GALNTL6: variants seen among roughly 807,000 people sequenced by gnomAD.
GALNTL6 encodes polypeptide N-acetylgalactosaminyltransferase like 6.
Under a neutral mutation model 73.7 loss-of-function variants are expected in GALNTL6, and 46 were observed. The ratio of observed to expected loss-of-function variants is 0.62; its 90% CI spans 0.49 to 0.80. The LOEUF is 0.80. Ranked by LOEUF, GALNTL6 falls within the 30% of genes least tolerant of loss-of-function variation. The pLI, the probability that GALNTL6 is intolerant of heterozygous loss-of-function variation, is 0.00. For synonymous variants in GALNTL6, 259 were observed against 263.7 expected (o/e 0.98, Z 0.17); for missense variants, 604 against 755.0 (o/e 0.80, Z 2.34).
chr4:171,968,241 G>A (rs1365802797), intron 2 of GALNTL6, among the ~76,000 whole-genome samples: 3 of 151,998 alleles, frequency 2.0e-5, no homozygotes, highest in African/African-American at 4.8e-5. Context: ...ATCACACACT[G>A]GGTGACTTCA....
At chr4:172,918,388 T>A (rs1028480909) in intron 8 of GALNTL6, among the ~76,000 whole-genome samples, 11 of 151,506 alleles carry the variant, frequency 7.3e-5, no homozygotes, top group African/African-American at 2.2e-4. Context: ...AAGTATAATT[T>A]AAAAAAAATA....
chr4:172,556,223 C>T (rs1303494049), intron 5 of GALNTL6, among the ~76,000 whole-genome samples: 1 of 151,894 alleles, frequency 6.6e-6, no homozygotes, highest in African/African-American at 2.4e-5. Context: ...ATCTTTAGAA[C>T]ATCTTTAAAC....
intron 10 of GALNTL6, among the ~76,000 whole-genome samples, chr4:172,956,452 A>G (rs1357282135): frequency 6.6e-6 from 1 of 152,220 alleles, no homozygotes; most frequent in East Asian, 1.9e-4. Flanking sequence ...CCCTGCCAGC[A>G]AAGATTATTT....
In GALNTL6 at chr4:173,005,131, C is replaced by G. The variant is rs4696041; in HGVS notation, c.1372-4047C>G. On this transcript the variant is annotated intron_variant, in intron 10 of 12. Transcript: ENST00000506823. ...CCGGTATTAAGCTAAGCCTGACTTC[C>G]CTTGCAGACCTAAAGAACTCCTTTA... Among the ~76,000 whole-genome samples the G allele has an allele frequency of 3.9e-4, 60 of 152,218 alleles. 3 individuals carry two copies. In the South Asian group the frequency reaches 0.012, roughly 30 times the overall value.
intron 5 of GALNTL6, among the ~76,000 whole-genome samples, chr4:172,465,772 G>A (rs1732790062): frequency 6.6e-6 from 1 of 152,146 alleles, no homozygotes; most frequent in Non-Finnish European, 1.5e-5. Context: ...CAAGTAGTCT[G>A]TCAAACAACC....
chr4:172,920,931 G>A (rs994246388), intron 8 of GALNTL6, among the ~76,000 whole-genome samples: 16 of 152,228 alleles, frequency 1.1e-4, no homozygotes, highest in African/African-American at 3.9e-4. Context: ...TATCTACTGA[G>A]TTAGAAGGTG....
chr4:172,802,522 G>A (rs532634191), intron 5 of GALNTL6, among the ~76,000 whole-genome samples: 35 of 152,228 alleles, frequency 2.3e-4, no homozygotes, highest in Admixed American at 1.9e-3. Flanking sequence ...GGGGCCGGGC[G>A]CAGTGGCTCA....
At chr4:172,271,761 G>A (rs1738662194) in intron 3 of GALNTL6, among the ~76,000 whole-genome samples, 1 of 151,588 alleles carries the variant, frequency 6.6e-6, no homozygotes, top group Non-Finnish European at 1.5e-5. Context: ...AACATATATA[G>A]CCATACACAC....
chr4:172,249,251 G>A (rs911556385), intron 3 of GALNTL6, among the ~76,000 whole-genome samples: 2 of 152,204 alleles, frequency 1.3e-5, no homozygotes. Flanking sequence ...GCTATGCAAA[G>A]ATACTGGCAG....
At chr4:172,756,772 C>T (rs1414271912) in intron 5 of GALNTL6, among the ~76,000 whole-genome samples, 1 of 152,062 alleles carries the variant, frequency 6.6e-6, no homozygotes, top group Admixed American at 6.6e-5. Flanking sequence ...TGTTGTATAC[C>T]TCCTCTAGGA....
At chr4:171,842,112 T>C (rs140362744) in intron 2 of GALNTL6, among the ~76,000 whole-genome samples, 5 of 152,280 alleles carry the variant, frequency 3.3e-5, no homozygotes, top group African/African-American at 9.6e-5. Context: ...CTTTCGGTTT[T>C]GTCATTATGA....
At chr4:172,780,791 G>T (rs1331099561) in intron 5 of GALNTL6, among the ~76,000 whole-genome samples, 1 of 152,188 alleles carries the variant, frequency 6.6e-6, no homozygotes, top group Non-Finnish European at 1.5e-5. Context: ...AAATCCCTCT[G>T]TGTTTGAAAG....
chr4:172,790,558 T>C (rs1739934608), intron 5 of GALNTL6, among the ~76,000 whole-genome samples: 1 of 152,146 alleles, frequency 6.6e-6, no homozygotes, highest in Admixed American at 6.5e-5. Flanking sequence ...GAAATAAATG[T>C]CTGTTAAGCA....
intron 5 of GALNTL6, among the ~76,000 whole-genome samples, chr4:172,612,230 T>G (rs536505113): frequency 2.6e-5 from 4 of 152,208 alleles, no homozygotes; most frequent in Admixed American, 6.6e-5. Flanking sequence ...GGCTTCAGTT[T>G]CTTGACCAGT....
At chr4:172,313,345 G>T (rs1227116669) in intron 4 of GALNTL6, among the ~76,000 whole-genome samples, 2 of 151,844 alleles carry the variant, frequency 1.3e-5, no homozygotes, top group African/African-American at 4.8e-5. Flanking sequence ...GGATAGTCTC[G>T]ATCTCCTGAC....
intron 2 of GALNTL6, among the ~76,000 whole-genome samples, chr4:172,206,803 C>CTTT (rs1560969288): frequency 3.7e-4 from 5 of 13,440 alleles, no homozygotes; most frequent in African/African-American, 4.7e-4. Context: ...TTTTGTTTTT[C>CTTT]TGTTTTTTTT....
intron 2 of GALNTL6, among the ~76,000 whole-genome samples, chr4:171,836,838 A>C (rs959926394): frequency 1.2e-4 from 18 of 152,154 alleles, no homozygotes; most frequent in Non-Finnish European, 2.5e-4. Flanking sequence ...AAGGAAAAGG[A>C]AGCTAAGTTT....
chr4:172,083,130 G>A (rs1015555919), intron 2 of GALNTL6, among the ~76,000 whole-genome samples: 5 of 151,966 alleles, frequency 3.3e-5, no homozygotes, highest in African/African-American at 9.7e-5. Flanking sequence ...AAATCCTGTT[G>A]GTTCTGTCTT....
intron 5 of GALNTL6, among the ~76,000 whole-genome samples, chr4:172,460,097 C>A (rs1006147077): frequency 6.6e-6 from 1 of 152,160 alleles, no homozygotes; most frequent in Non-Finnish European, 1.5e-5. Flanking sequence ...TTTGACAAAC[C>A]TGACAAAAAC....
Sources: gnomAD v4.1 joint callset for allele counts (sites outside exome capture counted in the v4.1 genomes callset) on GRCh38, gnomAD v4.1.1 for gene constraint, MANE v1.5 for transcripts, NCBI Gene and HGNC (gene_info 2026-07-23, HGNC 2026-07-21) for gene names.